Variants in LCT observed in about 807,000 individuals in gnomAD.
LCT encodes lactase/phlorizin hydrolase.
In LCT, 90 loss-of-function variants were observed where a neutral mutation model predicts 173.0. The ratio of observed to expected loss-of-function variants is 0.52; its 90% CI spans 0.44 to 0.62. LCT has a LOEUF of 0.62. Ranked by LOEUF, LCT falls within the 20% of genes least tolerant of loss-of-function variation. LCT has a pLI of 0.00. For synonymous variants in LCT, 853 were observed against 957.6 expected (o/e 0.89, Z 2.02); for missense variants, 1,864 against 2,431.4 (o/e 0.77, Z 4.91).
At chr2:135,795,045 GCACACA>G (rs1553651428) in intron 13 of LCT, among the ~76,000 whole-genome samples, 2 of 149,826 alleles carry the variant, frequency 1.3e-5, no homozygotes, top group African/African-American at 4.9e-5. Flanking sequence ...GCGCGCGCGC[GCACACA>G]CACACACACA....
At chr2:135,829,062 G>T (rs113028896) in intron 3 of LCT, among the ~76,000 whole-genome samples, 7,533 of 152,068 alleles carry the variant, frequency 0.05, 343 homozygotes, top group African/African-American at 0.11. Context: ...GTGTTTGTGT[G>T]TTCCTGTCAT....
At chr2:135,802,883 G>A (rs879538059) in intron 11 of LCT, among the ~76,000 whole-genome samples, 3 of 152,030 alleles carry the variant, frequency 2.0e-5, no homozygotes, top group South Asian at 2.1e-4. Flanking sequence ...AGGCTGAGGC[G>A]GGCGGATTAC....
chr2:135,800,560 G>A (rs759403093), intron 12 of LCT, 47 bp downstream of exon 12: 1 of 1,460,452 alleles, frequency 6.8e-7, no homozygotes, highest in Middle Eastern at 2.4e-4. Context: ...TAGGCTGGAA[G>A]GAAAGATGGA....
At chr2:135,832,293 A>G (rs2077947116) in intron 2 of LCT, among the ~76,000 whole-genome samples, 1 of 151,568 alleles carries the variant, frequency 6.6e-6, no homozygotes, top group Non-Finnish European at 1.5e-5. Context: ...TCATGCCTGT[A>G]ATCCTGACAC....
chr2:135,823,663 A>G (rs181773974), intron 4 of LCT, among the ~76,000 whole-genome samples: 13 of 152,342 alleles, frequency 8.5e-5, no homozygotes, highest in African/African-American at 3.1e-4. Flanking sequence ...AACTATCTTT[A>G]TGTCCATAAG....
At chr2:135,832,073 G>T (rs571136367) in intron 2 of LCT, among the ~76,000 whole-genome samples, 1 of 151,888 alleles carries the variant, frequency 6.6e-6, no homozygotes, top group Non-Finnish European at 1.5e-5. Context: ...AAAATTAGCC[G>T]GGCGTGGTGG....
chr2:135,836,475 G>A, intron 1 of LCT, 55 bp downstream of exon 1: 2 of 1,510,882 alleles, frequency 1.3e-6, no homozygotes, highest in Non-Finnish European at 1.8e-6. Flanking sequence ...GGAGGATGGG[G>A]AAGGTGTGTG....
rs763533948 is a variant in LCT, at chr2:135,807,415, G to A, written c.3905-19C>T. On this transcript the variant is annotated intron_variant, in intron 8 of 16. Transcript: ENST00000264162. ...CTGTAGGCTGGGAACATCCCAAAGG[G>A]AGCAGAGGAGAGCTTGACACCAGGA... 42 of 1,613,546 alleles carry A rather than the reference G, an allele frequency of 2.6e-5. No individual in the cohort carries two copies. The highest frequency in any genetic ancestry group is 3.4e-5 in the Non-Finnish European group (40 of 1,179,828).
At chr2:135,796,813 T>G (rs2077585675) in intron 13 of LCT, among the ~76,000 whole-genome samples, 1 of 152,122 alleles carries the variant, frequency 6.6e-6, no homozygotes, top group African/African-American at 2.4e-5. Context: ...GGCAAAGTTG[T>G]GCAGATGGGC....
chr2:135,795,837 T>C (rs1033976100), intron 13 of LCT, among the ~76,000 whole-genome samples: 1 of 151,950 alleles, frequency 6.6e-6, no homozygotes, highest in Non-Finnish European at 1.5e-5. Context: ...CATAGCTCAC[T>C]GCAACCTCAG....
intron 13 of LCT, among the ~76,000 whole-genome samples, chr2:135,797,719 C>T (rs1187500046): frequency 6.6e-6 from 1 of 152,118 alleles, no homozygotes; most frequent in Non-Finnish European, 1.5e-5. Flanking sequence ...CCACTGCCAC[C>T]CACATTCACA....
At position 135,807,166 on chromosome 2, in the gene LCT, C is replaced by T. The variant is rs531768922; in HGVS notation, c.4135G>A (p.Glu1379Lys). Residue 1379 changes from glutamate (E) to lysine (K), a missense_variant, in exon 9 of 17, where the codon GAG becomes AAG. By Grantham distance (56) the Glu-to-Lys change is moderately conservative. Coordinates refer to ENST00000264162, the MANE Select transcript of LCT (RefSeq NM_002299.4). ...EDEFLYGRFP[E>K]GFIWSAASAA... ...GAAGCTGCACTCCAGATGAAGCCCT[C>T]AGGAAACCGTCCGTACAGAAACTCA... is the stretch of plus-strand genomic sequence containing the variant. The T allele has an allele frequency of 6.2e-7, 1 of 1,614,248 alleles. No homozygotes were observed. The highest frequency in any genetic ancestry group is 1.3e-5 in the African/African-American group (1 of 75,066).
Position 135,789,661 on chromosome 2 carries a change from T to C in LCT, c.5473A>G (p.Lys1825Glu). The stretch of plus-strand genomic sequence containing the variant: ...GAGGCGTAGAACTTCGCTGATGCTT[T>C]GGGGATCCTTGGCAGAGAAGGGTCA... ...YSDPSLPRIPKASAKFYASVV... is the reference protein window; with the variant it reads ...YSDPSLPRIPEASAKFYASVV... Residue 1825 changes from lysine (K) to glutamate (E), a missense_variant, in exon 16 of 17, where the codon AAA (lysine) becomes GAA (glutamate). Coordinates refer to ENST00000264162, the MANE Select transcript of LCT (RefSeq NM_002299.4). 1 of 1,614,196 alleles carries C rather than the reference T, an allele frequency of 6.2e-7. No homozygotes were observed. The highest frequency in any genetic ancestry group is 8.5e-7 in the Non-Finnish European group (1 of 1,180,022).
At chr2:135,805,127 G>A in intron 9 of LCT, 70 bp from the exon 10 acceptor site, 2 of 1,417,954 alleles carry the variant, frequency 1.4e-6, no homozygotes, top group South Asian at 1.2e-5. Context: ...TCTTTCACTG[G>A]GTGAGTCTCA....
chr2:135,790,891 C>G lies in LCT; in HGVS notation c.5112-10G>C, dbSNP rs1559547868. 5 of 1,603,344 alleles carry G rather than the reference C, an allele frequency of 3.1e-6. No homozygotes were observed. The East Asian group carries it at 1.1e-4, about 36-fold the overall frequency. Reference sequence around the variant, plus strand: ...GATGGAAGCAACTCCTCTACAAGTTCAAAAACTAAAGATGAGGTCTTGTTT... The same window carrying G: ...GATGGAAGCAACTCCTCTACAAGTTGAAAAACTAAAGATGAGGTCTTGTTT... On this transcript the variant is annotated splice_polypyrimidine_tract_variant and intron_variant, in intron 14 of 16. Coordinates refer to ENST00000264162, the MANE Select transcript of LCT (RefSeq NM_002299.4). This position sits in a 1 kb window ranked among gnomAD's most constrained non-coding sequence, Gnocchi z 4.1.
chr2:135,808,937 G>C lies in LCT; in HGVS notation c.3410C>G (p.Pro1137Arg), dbSNP rs755241467. The C allele has an allele frequency of 5.0e-6, 8 of 1,614,080 alleles. No individual in the cohort carries two copies. Among genetic ancestry groups the C allele is most frequent in the Non-Finnish European group, 6.8e-6 (8 of 1,180,024 alleles). The change falls in exon 8 of 17, where the codon CCC (proline) becomes CGC (arginine). Residue 1137 changes from proline to arginine, a missense_variant. By Grantham distance (103) the Pro-to-Arg change is moderately radical. Around this residue, in one of 4 missense-constraint regions of LCT, gnomAD observed 755 missense variants for 926.3 expected, o/e 0.82. Transcript: ENST00000264162. ...HWAEPKSPGV[P>R]RDVEAADRML... Reference sequence around the variant, plus strand: ...TCGGTCAGCGGCTTCCACATCTCTGGGGACCCCTGGTGACTTGGGCTCTGC... The same window carrying C: ...TCGGTCAGCGGCTTCCACATCTCTGCGGACCCCTGGTGACTTGGGCTCTGC...
intron 4 of LCT, among the ~76,000 whole-genome samples, chr2:135,823,555 G>T (rs1208591505): frequency 6.6e-6 from 1 of 152,202 alleles, no homozygotes; most frequent in Non-Finnish European, 1.5e-5. Flanking sequence ...GCAGAGGAAA[G>T]CCCTGCCAAG....
chr2:135,833,441 C>CTTTT (rs35636116), intron 1 of LCT, among the ~76,000 whole-genome samples: 11 of 53,910 alleles, frequency 2.0e-4, no homozygotes, highest in African/African-American at 8.2e-4. Flanking sequence ...TCCTAAACTT[C>CTTTT]TTTTTTTTTT....
rs142247223 is a variant in LCT, at chr2:135,825,090, T to C, written c.805-1087A>G. 1.1e-4 allele frequency among the ~76,000 whole-genome samples: 16 copies of C among 152,284 alleles called. No homozygotes were observed. In the East Asian group the frequency reaches 3.1e-3, roughly 29 times the overall value. On this transcript the variant is annotated intron_variant, in intron 3 of 16. Coordinates refer to ENST00000264162, the MANE Select transcript of LCT (RefSeq NM_002299.4). Reference sequence around the variant, plus strand: ...CTCTTCTTATTTCTAGCCATTTCAGTATCAAGGAAAACGTCTCAGGGCTGA... The same window carrying C: ...CTCTTCTTATTTCTAGCCATTTCAGCATCAAGGAAAACGTCTCAGGGCTGA...
Sources: allele counts gnomAD v4.1 joint callset (sites outside exome capture counted in the v4.1 genomes callset), GRCh38; gene constraint gnomAD v4.1.1; regional missense constraint gnomAD v4.1.1; non-coding constraint Gnocchi (gnomAD v3.1); transcripts MANE v1.5; gene names NCBI Gene and HGNC (gene_info 2026-07-23, HGNC 2026-07-21).